The following VPS13A variants were observed in gnomAD, a reference collection of about 807,000 sequenced individuals.
VPS13A encodes vacuolar protein sorting 13 homolog A.
VPS13A carries 264 observed loss-of-function variants against 390.9 expected under a neutral mutation model. The ratio of observed to expected loss-of-function variants is 0.68; its 90% CI spans 0.61 to 0.75. The LOEUF is 0.75. Among genes scored for constraint, VPS13A ranks in the 30% least tolerant of loss-of-function variants. The pLI is 0.00. For missense variants in VPS13A, 3,409 were observed against 3,733.9 expected, an observed-to-expected ratio of 0.91 and a Z score of 2.27; for synonymous variants, 1,231 against 1,227.1, an observed-to-expected ratio of 1.00 and a Z score of -0.07.
intron 45 of VPS13A, among the ~76,000 whole-genome samples, chr9:77,325,905 A>C (rs946511411): frequency 1.3e-5 from 2 of 152,216 alleles, no homozygotes; most frequent in Non-Finnish European, 2.9e-5. Flanking sequence ...TTTAAAATAC[A>C]AACTGTATTT....
chr9:77,390,109 G>A (rs1259842554), intron 68 of VPS13A: 3 of 985,394 alleles, frequency 3.0e-6, no homozygotes, highest in Non-Finnish European at 3.6e-6. Context: ...CCAGAGTAGT[G>A]CCGAACACTT....
chr9:77,318,358 A>T lies in VPS13A; in HGVS notation c.5080A>T (p.Thr1694Ser). 6.2e-7 allele frequency: 1 copy of T among 1,613,880 alleles called. No individual in the cohort carries two copies. The highest frequency in any genetic ancestry group is 8.5e-7 in the Non-Finnish European group (1 of 1,179,902). Residue 1694 changes from threonine (T) to serine (S), a missense_variant, in exon 41 of 72, where the codon ACT becomes TCT. Transcript: ENST00000360280. ...AHLWEKKDTK[T>S]LKMWFLEESN... ...TTTATGGGAAAAGAAGGATACAAAG[A>T]CTTTAAAAATGTGGTTTCTTGAAGA...
intron 23 of VPS13A, among the ~76,000 whole-genome samples, chr9:77,263,418 C>A (rs1477181526): frequency 6.6e-6 from 1 of 152,052 alleles, no homozygotes; most frequent in Non-Finnish European, 1.5e-5. Context: ...CTTTTCCCAA[C>A]TTTTTAATGA....
intron 71 of VPS13A, among the ~76,000 whole-genome samples, chr9:77,412,629 C>T (rs950775413): frequency 6.6e-6 from 1 of 152,056 alleles, no homozygotes; most frequent in Non-Finnish European, 1.5e-5. Context: ...ATGACAAACC[C>T]ACAGCCAATA....
intron 45 of VPS13A, among the ~76,000 whole-genome samples, chr9:77,325,774 C>G (rs1204345378): frequency 2.0e-5 from 3 of 152,086 alleles, no homozygotes; most frequent in Admixed American, 2.0e-4. Flanking sequence ...CAGTATACTT[C>G]CACTTCTCAT....
chr9:77,339,938 C>A, intron 48 of VPS13A, 27 bp downstream of exon 48: 1 of 1,603,212 alleles, frequency 6.2e-7, no homozygotes, highest in South Asian at 1.1e-5. Context: ...CTGTTTTTCC[C>A]TTGTCTTTAG....
intron 67 of VPS13A, among the ~76,000 whole-genome samples, chr9:77,380,025 T>G (rs1833343290): frequency 6.6e-6 from 1 of 152,158 alleles, no homozygotes; most frequent in Non-Finnish European, 1.5e-5. Flanking sequence ...ATTTGGGGCT[T>G]CTTTTATTAG....
At chr9:77,415,153 T>C (rs533619894) in intron 71 of VPS13A, among the ~76,000 whole-genome samples, 1 of 152,366 alleles carries the variant, frequency 6.6e-6, no homozygotes, top group Non-Finnish European at 1.5e-5. Context: ...CCTTCTTTCA[T>C]GTCACTGAAG....
intron 31 of VPS13A, among the ~76,000 whole-genome samples, chr9:77,283,856 GT>G (rs1020132374): frequency 2.0e-5 from 3 of 151,762 alleles, no homozygotes; most frequent in African/African-American, 7.3e-5. Context: ...CTTGGACTCT[GT>G]TTCTTTATTT....
intron 10 of VPS13A, among the ~76,000 whole-genome samples, chr9:77,218,316 T>C (rs2131170521): frequency 6.6e-6 from 1 of 152,188 alleles, no homozygotes; most frequent in East Asian, 1.9e-4. Context: ...GGTTTCACTG[T>C]GTTAGCCAGG....
chr9:77,411,673 A>AAAAAAAAAAAAAC (rs1453349592), intron 71 of VPS13A, among the ~76,000 whole-genome samples: 1 of 148,138 alleles, frequency 6.8e-6, no homozygotes, highest in African/African-American at 2.5e-5. Flanking sequence ...AAAAAAAAAA[A>AAAAAAAAAAAAAC]AAAAAAAAAA....
intron 22 of VPS13A, among the ~76,000 whole-genome samples, chr9:77,255,375 A>G (rs1441658325): frequency 6.6e-6 from 1 of 152,160 alleles, no homozygotes; most frequent in Non-Finnish European, 1.5e-5. Flanking sequence ...TTATTCCAGG[A>G]ATAAATCCTC....
chr9:77,227,967 A>G (rs1352610192), intron 16 of VPS13A, among the ~76,000 whole-genome samples, 155 bp from the exon 17 acceptor site: 1 of 151,866 alleles, frequency 6.6e-6, no homozygotes. Flanking sequence ...AGGGATAAAT[A>G]TTGTCTCTTT....
rs757467432 is a variant in VPS13A at position 77,260,118 on chromosome 9, C to G, written c.2321C>G (p.Ser774Cys). Reference sequence around the variant, plus strand: ...ATTTATGGAAAGTTACCTCTTATTTCTTTACGAATCTCAGATAAAAAACTA... The same window carrying G: ...ATTTATGGAAAGTTACCTCTTATTTGTTTACGAATCTCAGATAAAAAACTA... ...FKIYGKLPLI[S>C]LRISDKKLQG... The change falls in exon 23 of 72, where the codon TCT becomes TGT. Residue 774 changes from serine to cysteine, a missense_variant. Ser to Cys is a moderately radical substitution (Grantham distance 112). This residue lies in a region of VPS13A where 2,717 missense variants were observed against 2,917.4 expected (regional missense o/e 0.93). Transcript: ENST00000360280. The G allele has an allele frequency of 7.7e-6, 12 of 1,556,464 alleles. No individual in the cohort carries two copies. The highest frequency in any genetic ancestry group is 9.7e-6 in the Non-Finnish European group (11 of 1,129,760).
chr9:77,377,710 C>A (rs1186683981), intron 67 of VPS13A, among the ~76,000 whole-genome samples: 1 of 151,894 alleles, frequency 6.6e-6, no homozygotes, highest in South Asian at 2.1e-4. Flanking sequence ...GATCTGGATG[C>A]TTTTTTTCTT....
intron 23 of VPS13A, among the ~76,000 whole-genome samples, chr9:77,270,810 G>C (rs1001344592): frequency 6.6e-6 from 1 of 152,224 alleles, no homozygotes; most frequent in African/African-American, 2.4e-5. Flanking sequence ...GAAACAACCG[G>C]ATTTCCATGT....
intron 17 of VPS13A, among the ~76,000 whole-genome samples, chr9:77,236,919 A>G (rs559706710): frequency 9.9e-5 from 15 of 152,118 alleles, no homozygotes; most frequent in Non-Finnish European, 2.1e-4. Flanking sequence ...TTGTTTTGAG[A>G]TGGAATGCCA....
chr9:77,279,557 C>G (rs1826894826), intron 26 of VPS13A, among the ~76,000 whole-genome samples: 1 of 151,970 alleles, frequency 6.6e-6, no homozygotes, highest in African/African-American at 2.4e-5. Context: ...AACAGAAATG[C>G]TTGTTCTCGT....
At chr9:77,202,940 G>T (rs1009641255) in intron 3 of VPS13A, among the ~76,000 whole-genome samples, 1 of 152,114 alleles carries the variant, frequency 6.6e-6, no homozygotes, top group Non-Finnish European at 1.5e-5. Context: ...GAAGAAGTGG[G>T]TTTAATTTTT....
Sources: allele counts gnomAD v4.1 joint callset (sites outside exome capture counted in the v4.1 genomes callset), GRCh38; gene constraint gnomAD v4.1.1; regional missense constraint gnomAD v4.1.1; transcripts MANE v1.5; gene names NCBI Gene and HGNC (gene_info 2026-07-23, HGNC 2026-07-21).